The following UBE2O variants were observed in gnomAD, a reference collection of about 807,000 sequenced individuals.
UBE2O encodes (E3-independent) E2 ubiquitin-conjugating enzyme.
Under a neutral mutation model 125.8 loss-of-function variants are expected in UBE2O, and 15 were observed. That is an observed-to-expected ratio of 0.12 (90% CI 0.08 to 0.18). The LOEUF (loss-of-function observed/expected upper bound fraction) is 0.18. Among genes scored for constraint, UBE2O ranks in the 10% least tolerant of loss-of-function variants. The probability of loss-of-function intolerance (pLI) is 1.00; values close to 1 mark genes in which losing one functional copy is unlikely to be tolerated. For missense variants in UBE2O, 1,280 were observed against 1,723.6 expected (o/e 0.74, Z 4.56); for synonymous variants, 708 against 703.2 (o/e 1.01, Z -0.11).
chr17:76,399,334 C>A lies in UBE2O; in HGVS notation c.1628+115G>T. 9.2e-7 allele frequency: 1 copy of A among 1,086,212 alleles called. No homozygotes were observed. The highest frequency in any genetic ancestry group is 1.3e-6 in the Non-Finnish European group (1 of 750,542). 67.3% of individuals were successfully genotyped at this position (1,086,212 alleles called of 1,614,324 possible). On this transcript the variant is annotated intron_variant, in intron 9 of 17. Coordinates refer to ENST00000319380, the MANE Select transcript of UBE2O (RefSeq NM_022066.4). The surrounding 1 kb of genome is among the most constrained non-coding windows in gnomAD (Gnocchi z 6.9). ...TTGTCTCGGGTGGGAGCCCCGGAGCCACTACAAGGCATGCAGAGGTGTGTG... is the reference window on the plus strand; with the variant it reads ...TTGTCTCGGGTGGGAGCCCCGGAGCAACTACAAGGCATGCAGAGGTGTGTG...
In UBE2O at chr17:76,398,772, C is replaced by T. The variant is rs1461661410; in HGVS notation, c.1783+65G>A. On this transcript the variant is annotated intron_variant, in intron 10 of 17. Transcript: ENST00000319380. The surrounding 1 kb of genome is among the most constrained non-coding windows in gnomAD (Gnocchi z 5.4). ...CCCCAGATCCACTGCCCATTCTCCA[C>T]AAGCCCCAACCCGGGCCCTCATTGG... is the stretch of plus-strand genomic sequence containing the variant. The T allele has an allele frequency of 6.3e-7, 1 of 1,581,374 alleles. No individual in the cohort carries two copies.
intron 1 of UBE2O, among the ~76,000 whole-genome samples, chr17:76,431,348 C>T (rs2072903617): frequency 1.5e-5 from 2 of 137,246 alleles, no homozygotes; most frequent in East Asian, 4.6e-4. Context: ...CCCGCCTCTA[C>T]TAAAGATACA....
At chr17:76,421,238 G>A (rs559901691) in intron 1 of UBE2O, among the ~76,000 whole-genome samples, 1 of 152,328 alleles carries the variant, frequency 6.6e-6, no homozygotes, top group South Asian at 2.1e-4. Flanking sequence ...ACTGCAGAAA[G>A]AAGTGACGGC....
chr17:76,418,405 G>A (rs1371161314), intron 1 of UBE2O, among the ~76,000 whole-genome samples: 1 of 152,172 alleles, frequency 6.6e-6, no homozygotes, highest in Non-Finnish European at 1.5e-5. Context: ...CAACTGCGAG[G>A]CGCCATTTGG....
rs1249004502 is a variant in UBE2O, at chr17:76,390,881, G to A, written c.*62C>T. 2.7e-6 allele frequency: 4 copies of A among 1,499,446 alleles called. No individual in the cohort carries two copies. Among genetic ancestry groups the A allele is most frequent in the Admixed American group, 4.0e-5 (2 of 50,146 alleles). The allele number at this position is 1,499,446 out of a possible 1,614,324, so 92.9% of individuals were successfully genotyped here. A position where few individuals can be genotyped will look rare whatever the true frequency, so the allele number is the denominator to read the frequency against. On this transcript the variant is annotated 3_prime_UTR_variant, in exon 18 of 18. Coordinates refer to ENST00000319380, the MANE Select transcript of UBE2O (RefSeq NM_022066.4). ...CATGGGAAGAGGGGTGATTCCGGGG[G>A]GGAGTGAGCAGGCGGCGGCTGGCCT... is the stretch of plus-strand genomic sequence containing the variant.
intron 1 of UBE2O, among the ~76,000 whole-genome samples, chr17:76,429,971 T>C (rs1030418895): frequency 6.6e-6 from 1 of 152,354 alleles, no homozygotes. Flanking sequence ...AGAGATGACT[T>C]GGGAAGTTTC....
At chr17:76,434,994 T>C (rs746600674) in intron 1 of UBE2O, among the ~76,000 whole-genome samples, 19 of 151,944 alleles carry the variant, frequency 1.3e-4, no homozygotes, top group East Asian at 5.8e-4. Flanking sequence ...AGCTGGGCTC[T>C]CCCTGCAGTG....
chr17:76,416,020 T>C (rs117258449), intron 1 of UBE2O, among the ~76,000 whole-genome samples: 3,133 of 147,700 alleles, frequency 0.021, 54 homozygotes, highest in South Asian at 0.042. Context: ...TATACATATG[T>C]ACACACACGT....
At position 76,432,947 on chromosome 17, in the gene UBE2O, T is replaced by A. The variant is rs559235926; in HGVS notation, c.417+19778A>T. On this transcript the variant is annotated intron_variant, in intron 1 of 17. Coordinates refer to ENST00000319380, the MANE Select transcript of UBE2O (RefSeq NM_022066.4). ...TGACAGTCACAAGCATTGGTGAGCA[T>A]GTGGAGAAACTGGAACCCACCAACA... Among the ~76,000 whole-genome samples the A allele has an allele frequency of 2.0e-5, 3 of 152,234 alleles. No individual in the cohort carries two copies. In the South Asian group the frequency reaches 6.2e-4, roughly 32 times the overall value.
chr17:76,415,556 G>A (rs1381139789), intron 1 of UBE2O, among the ~76,000 whole-genome samples: 1 of 152,210 alleles, frequency 6.6e-6, no homozygotes, highest in Non-Finnish European at 1.5e-5. Flanking sequence ...TGTAATCCCA[G>A]CACTTTGAGA....
intron 1 of UBE2O, among the ~76,000 whole-genome samples, chr17:76,417,083 C>G (rs148560915): frequency 6.6e-6 from 1 of 152,246 alleles, no homozygotes; most frequent in Non-Finnish European, 1.5e-5. Flanking sequence ...GATGCCTCAT[C>G]AGGGGGTTGG....
chr17:76,451,368 T>C (rs191856671), intron 1 of UBE2O, among the ~76,000 whole-genome samples: 102 of 152,320 alleles, frequency 6.7e-4, no homozygotes, highest in African/African-American at 2.4e-3. Flanking sequence ...TCCTTCCAAG[T>C]CTCAGAGCTG....
Position 76,389,795 on chromosome 17 carries a change from C to T in UBE2O, c.*1148G>A, listed in dbSNP as rs1228415936. 1.3e-5 allele frequency: 2 copies of T among 151,604 alleles called. No homozygotes were observed. Among genetic ancestry groups the T allele is most frequent in the East Asian group, 1.9e-4 (1 of 5,168 alleles). 9.4% of individuals were successfully genotyped at this position (151,604 alleles called of 1,614,324 possible). On this transcript the variant is annotated 3_prime_UTR_variant, in exon 18 of 18. Transcript: ENST00000319380. ...GCTGACAAGACGCATCATGCTTTGG[C>T]TTTTTTTTTGTCTTTTTTTCTAATA...
rs2072502052 is a variant in UBE2O, at chr17:76,410,771, C to T, written c.418-5199G>A. 6.8e-6 allele frequency among the ~76,000 whole-genome samples: 1 copy of T among 147,312 alleles called. No homozygotes were observed. Among genetic ancestry groups the T allele is most frequent in the Admixed American group, 6.8e-5 (1 of 14,682 alleles). On this transcript the variant is annotated intron_variant, in intron 1 of 17. Transcript: ENST00000319380. The surrounding 1 kb of genome is among the most constrained non-coding windows in gnomAD (Gnocchi z 4.0). ...GCCTCTCCTGCCAGGAGCACTCTCC[C>T]TCCACGGCTGCCTGACTCCCAAGGC...
Position 76,421,373 on chromosome 17 carries a change from CT to C in UBE2O, c.418-15802del, listed in dbSNP as rs999115274. Among the ~76,000 whole-genome samples the C allele has an allele frequency of 3.9e-4, 58 of 147,130 alleles. 1 individual carries two copies. Among genetic ancestry groups the C allele is most frequent in the Admixed American group, 1.4e-3 (21 of 14,698 alleles). On this transcript the variant is annotated intron_variant, in intron 1 of 17. Transcript: ENST00000319380. ...AATTTGAGTGACTATTTTCTTTTGT[CT>C]TTTTTTTTTTGAGACGGAGTTTCGC... is the stretch of plus-strand genomic sequence containing the variant.
In UBE2O at chr17:76,399,684, G is replaced by A; in HGVS notation, c.1393C>T (p.Leu465=). The A allele has an allele frequency of 6.2e-7, 1 of 1,614,148 alleles. No individual in the cohort carries two copies. The highest frequency in any genetic ancestry group is 8.5e-7 in the Non-Finnish European group (1 of 1,180,028). The change falls in exon 9 of 18, where the codon CTA becomes TTA. Residue 465 remains leucine, a synonymous_variant. Transcript: ENST00000319380. The surrounding 1 kb of genome is among the most constrained non-coding windows in gnomAD (Gnocchi z 6.9). ...EAGEQLPPFL[L]KEGRDDRLHS... ...AGCCTGTCATCTCTGCCTTCTTTTA[G>A]CAGGAATGGGGGCAGCTGCTCTCCT...
chr17:76,417,035 CTG>C, intron 1 of UBE2O, among the ~76,000 whole-genome samples: 2 of 152,352 alleles, frequency 1.3e-5, no homozygotes, highest in South Asian at 4.1e-4. Context: ...CACTCCCCAG[CTG>C]TGTGTGCTGG....
rs768547100 is a variant in UBE2O, at chr17:76,396,527, T to C, written c.2410A>G (p.Lys804Glu). 6.8e-6 allele frequency: 11 copies of C among 1,613,292 alleles called. No individual in the cohort carries two copies. Among genetic ancestry groups the C allele is most frequent in the Non-Finnish European group, 1.7e-6 (2 of 1,179,790 alleles). The change falls in exon 14 of 18, where the codon AAG becomes GAG. Residue 804 changes from lysine to glutamate, a missense_variant. Physicochemically the swap from Lys to Glu is moderately conservative, Grantham distance 56. Transcript: ENST00000319380. This position sits in a 1 kb window ranked among gnomAD's most constrained non-coding sequence, Gnocchi z 6.7. ...PMAGLMEKAGKDGPPKSFREL... is the reference protein window; with the variant it reads ...PMAGLMEKAGEDGPPKSFREL... ...CGGAAGCTCTTGGGTGGCCCGTCCT[T>C]GCCAGCCTTCTCCATCAGCCCGGCC... is the stretch of plus-strand genomic sequence containing the variant.
At chr17:76,446,620 G>A (rs902140211) in intron 1 of UBE2O, among the ~76,000 whole-genome samples, 4 of 152,198 alleles carry the variant, frequency 2.6e-5, no homozygotes, top group African/African-American at 9.6e-5. Context: ...GCCTCTCCAA[G>A]GAATCCTTCC....
Sources: gnomAD v4.1 joint callset for allele counts (sites outside exome capture counted in the v4.1 genomes callset) on GRCh38, gnomAD v4.1.1 for gene constraint, Gnocchi (gnomAD v3.1) non-coding constraint, MANE v1.5 for transcripts, NCBI Gene and HGNC (gene_info 2026-07-23, HGNC 2026-07-21) for gene names.